Variants in MTR observed in about 807,000 individuals in gnomAD.
MTR encodes the protein methionine synthase.
MTR carries 84 observed loss-of-function variants against 154.8 expected under a neutral mutation model. That is an observed-to-expected ratio of 0.54 (90% confidence interval 0.45 to 0.65). The LOEUF (loss-of-function observed/expected upper bound fraction) is 0.65, where lower values mean the gene tolerates loss of function less well. Among genes scored for constraint, MTR ranks in the 30% least tolerant of loss-of-function variants. The pLI, the probability that MTR is intolerant of heterozygous loss-of-function variation, is 0.00. For missense variants in MTR, 1,275 were observed against 1,570.2 expected, an observed-to-expected ratio of 0.81 and a Z score of 3.18; for synonymous variants, 554 against 553.9, an observed-to-expected ratio of 1.00 and a Z score of 0.00.
chr1:236,867,470 A>G (rs1225659381), intron 22 of MTR, among the ~76,000 whole-genome samples: 1 of 152,204 alleles, frequency 6.6e-6, no homozygotes, highest in Non-Finnish European at 1.5e-5. Flanking sequence ...ATATACAAGG[A>G]GATGAATATT....
chr1:236,812,637 C>A, intron 5 of MTR, 101 bp from the exon 6 acceptor site: 1 of 896,016 alleles, frequency 1.1e-6, no homozygotes, highest in Non-Finnish European at 1.9e-6. Context: ...GCATTGTAAA[C>A]CAGCAATAGT....
chr1:236,886,418 T>G, intron 27 of MTR, 51 bp downstream of exon 27: 7 of 1,560,768 alleles, frequency 4.5e-6, no homozygotes, highest in Non-Finnish European at 6.2e-6. Flanking sequence ...ACTGACAGTG[T>G]GCTGAGGAAA....
intron 32 of MTR, among the ~76,000 whole-genome samples, 192 bp downstream of exon 32, chr1:236,897,310 GCACACACACACACACACA>G (rs57786802): frequency 7.8e-6 from 1 of 128,614 alleles, no homozygotes; most frequent in Non-Finnish European, 1.7e-5. Context: ...CCACACACAC[GCACACACACACACACACA>G]CACACACACA....
intron 22 of MTR, among the ~76,000 whole-genome samples, chr1:236,870,959 A>G (rs1454527741): frequency 6.6e-6 from 1 of 152,014 alleles, no homozygotes; most frequent in Non-Finnish European, 1.5e-5. Context: ...CTCACTACCT[A>G]CACTGCTTCT....
intron 1 of MTR, among the ~76,000 whole-genome samples, chr1:236,800,639 G>C (rs759371531): frequency 6.6e-5 from 10 of 152,126 alleles, no homozygotes; most frequent in Non-Finnish European, 1.3e-4. Flanking sequence ...AGAGCTTCAG[G>C]CTTTACATGA....
At chr1:236,867,191 C>T (rs957644716) in intron 22 of MTR, among the ~76,000 whole-genome samples, 1 of 152,150 alleles carries the variant, frequency 6.6e-6, no homozygotes, top group South Asian at 2.1e-4. Flanking sequence ...CAGGCTGACT[C>T]TCTTGTGGAG....
rs116836001 is a variant in MTR at position 236,891,204 on chromosome 1, C to T, written c.3079C>T (p.Arg1027Trp). Residue 1027 changes from arginine to tryptophan, a missense_variant, in exon 29 of 33, where the codon CGG becomes TGG. By Grantham distance (101) the Arg-to-Trp change is moderately radical. Coordinates refer to ENST00000366577, the MANE Select transcript of MTR (RefSeq NM_000254.3). Reference sequence around the variant, plus strand: ...CACACTGATTAGTCAAAAGAAACTCCGGGCCCGGGGTGTGGTTGGGTTCTG... The same window carrying T: ...CACACTGATTAGTCAAAAGAAACTCTGGGCCCGGGGTGTGGTTGGGTTCTG... ...LNTLISQKKL[R>W]ARGVVGFWPA... 4.1e-3 allele frequency: 6,612 copies of T among 1,614,076 alleles called. 22 individuals are homozygous for T. Among genetic ancestry groups the T allele is most frequent in the Non-Finnish European group, 4.8e-3 (5,699 of 1,180,014 alleles).
At chr1:236,887,505 G>T (rs536828250) in intron 27 of MTR, among the ~76,000 whole-genome samples, 1 of 152,244 alleles carries the variant, frequency 6.6e-6, no homozygotes, top group Non-Finnish European at 1.5e-5. Context: ...CCGATTATTT[G>T]CTCTGTATCT....
intron 20 of MTR, 102 bp downstream of exon 20, chr1:236,861,379 A>C (rs1425361662): frequency 4.7e-6 from 7 of 1,504,838 alleles, no homozygotes; most frequent in Non-Finnish European, 6.4e-6. Context: ...TTTGGACAAG[A>C]GTTCAATGGT....
intron 4 of MTR, among the ~76,000 whole-genome samples, chr1:236,809,949 G>A (rs1448685119): frequency 6.6e-6 from 1 of 152,162 alleles, no homozygotes; most frequent in East Asian, 1.9e-4. Flanking sequence ...TCCTGATTTA[G>A]TATTTCCTTC....
rs1308070539 is a variant in MTR, at chr1:236,795,547, G to T, written c.-157G>T. 6.5e-7 allele frequency: 1 copy of T among 1,538,788 alleles called. No homozygotes were observed. Among genetic ancestry groups the T allele is most frequent in the East Asian group, 2.4e-5 (1 of 41,008 alleles). Reference sequence around the variant, plus strand: ...GCGCTGCGGGCTTTCGGGGTCCGCAGTCCCCCCGCGACGCGAGCCAACGGG... The same window carrying T: ...GCGCTGCGGGCTTTCGGGGTCCGCATTCCCCCCGCGACGCGAGCCAACGGG... On this transcript the variant is annotated 5_prime_UTR_variant, in exon 1 of 33. Transcript: ENST00000366577.
Position 236,806,239 on chromosome 1 carries a change from A to G in MTR, c.339+6A>G, listed in dbSNP as rs1660976567. The G allele has an allele frequency of 6.2e-7, 1 of 1,608,928 alleles. No homozygotes were observed. Among genetic ancestry groups the G allele is most frequent in the South Asian group, 1.1e-5 (1 of 90,986 alleles). On this transcript the variant is annotated splice_donor_region_variant and intron_variant, in intron 3 of 32. Transcript: ENST00000366577. Reference sequence around the variant, plus strand: ...ACTATGGCCTTGAACACTTGGTAAGAATTCCATTGTTCCATGTGTCTAAGA... The same window carrying G: ...ACTATGGCCTTGAACACTTGGTAAGGATTCCATTGTTCCATGTGTCTAAGA...
intron 15 of MTR, among the ~76,000 whole-genome samples, chr1:236,839,006 C>G (rs181056781): frequency 6.6e-6 from 1 of 152,054 alleles, no homozygotes; most frequent in Non-Finnish European, 1.5e-5. Context: ...CTAAACGTAT[C>G]GAAACAGAAA....
Position 236,895,448 on chromosome 1 carries a change from C to G in MTR, c.3496C>G (p.Leu1166Val), listed in dbSNP as rs12030699. The change falls in exon 31 of 33, where the codon CTG (leucine) becomes GTG (valine). Residue 1166 changes from leucine (L) to valine (V), a missense_variant. Leu to Val is a conservative substitution (Grantham distance 32). Coordinates refer to ENST00000366577, the MANE Select transcript of MTR (RefSeq NM_000254.3). ...EQLDVADLRR[L>V]RYKGIRPAPG... ...GCTGGACGTCGCAGACCTGCGCAGG[C>G]TGCGGTACAAGGGCATCCGCCCGGC... 2.5e-6 allele frequency: 4 copies of G among 1,601,110 alleles called. No individual in the cohort carries two copies. In the African/African-American group the frequency reaches 4.0e-5, roughly 16 times the overall value.
intron 1 of MTR, among the ~76,000 whole-genome samples, chr1:236,801,079 G>A (rs755822204): frequency 2.0e-5 from 3 of 152,140 alleles, no homozygotes; most frequent in African/African-American, 4.8e-5. Context: ...TGAATTTACC[G>A]TGTCGACTAT....
chr1:236,895,662 C>T, intron 31 of MTR, 112 bp downstream of exon 31: 2 of 1,131,502 alleles, frequency 1.8e-6, no homozygotes, highest in Non-Finnish European at 2.5e-6. Context: ...CTTCTAATCA[C>T]ATTGTCCCTT....
chr1:236,798,201 A>G (rs1482791003), intron 1 of MTR, among the ~76,000 whole-genome samples: 1 of 152,232 alleles, frequency 6.6e-6, no homozygotes, highest in African/African-American at 2.4e-5. Context: ...CATTTAGCAC[A>G]GTGGAAAGAG....
chr1:236,873,595 G>A (rs1485115143), intron 22 of MTR, among the ~76,000 whole-genome samples, 178 bp from the exon 23 acceptor site: 1 of 152,232 alleles, frequency 6.6e-6, no homozygotes. Flanking sequence ...TGGCGTATAT[G>A]TAGTAAGTAC....
intron 22 of MTR, among the ~76,000 whole-genome samples, chr1:236,867,525 T>C (rs963704547): frequency 3.3e-5 from 5 of 152,192 alleles, no homozygotes; most frequent in African/African-American, 1.2e-4. Context: ...AGCCTGTGAA[T>C]CAAGGAGGAA....
Sources: allele counts gnomAD v4.1 joint callset (sites outside exome capture counted in the v4.1 genomes callset), GRCh38; gene constraint gnomAD v4.1.1; transcripts MANE v1.5; gene names NCBI Gene and HGNC (gene_info 2026-07-23, HGNC 2026-07-21).